The following JPH3 variants were observed in gnomAD, a reference collection of about 807,000 sequenced individuals.
JPH3 encodes junctophilin 3, also known as junctophilin-3.
In JPH3, 11 loss-of-function variants were observed where a neutral mutation model predicts 59.6. The observed-to-expected ratio is 0.18, with a 90% CI of 0.12 to 0.31. The LOEUF is 0.31. JPH3 is among the 10% of genes least tolerant of loss of function. The probability of loss-of-function intolerance (pLI) is 1.00; values close to 1 mark genes in which losing one functional copy is unlikely to be tolerated. For missense variants in JPH3, 1,202 were observed against 1,105.7 expected, an observed-to-expected ratio of 1.09 and a Z score of -1.24; for synonymous variants, 673 against 483.6, an observed-to-expected ratio of 1.39 and a Z score of -5.14.
At chr16:87,637,721 G>C (rs1035409015) in intron 1 of JPH3, among the ~76,000 whole-genome samples, 1 of 152,032 alleles carries the variant, frequency 6.6e-6, no homozygotes, top group Non-Finnish European at 1.5e-5. Flanking sequence ...CCGCCTCGTG[G>C]TGCCCTGGGC....
In JPH3 at chr16:87,694,938, G is replaced by GT. The variant is rs1211112139; in HGVS notation, c.2167-1641dup. The stretch of plus-strand genomic sequence containing the variant: ...TTGCACGGCCCATGTCTTCCCCGCT[G>GT]TGTGTTCATCCTCCACTGGACAGCT... On this transcript the variant is annotated intron_variant, in intron 4 of 4. Coordinates refer to ENST00000284262, the MANE Select transcript of JPH3 (RefSeq NM_020655.4). The GT allele has an allele frequency of 2.0e-5, 5 of 248,214 alleles. No homozygotes were observed. In the East Asian group the frequency reaches 5.4e-4, roughly 27 times the overall value. The allele number at this position is 248,214 out of a possible 1,614,324, so 15.4% of individuals were successfully genotyped here. A position where few individuals can be genotyped will look rare whatever the true frequency, so the allele number is the denominator to read the frequency against.
At chr16:87,604,120 A>C in intron 1 of JPH3, 1 of 1,333,588 alleles carries the variant, frequency 7.5e-7, no homozygotes, top group South Asian at 1.4e-5. Flanking sequence ...CTGTCGAAGC[A>C]GGCTGCTGGA....
chr16:87,626,203 G>A (rs962616495), intron 1 of JPH3, among the ~76,000 whole-genome samples: 2 of 152,122 alleles, frequency 1.3e-5, no homozygotes, highest in African/African-American at 2.4e-5. Context: ...GGGTCTTCAA[G>A]GCAGCCCTGT....
chr16:87,638,763 C>G (rs534699442), intron 1 of JPH3, among the ~76,000 whole-genome samples: 5 of 152,186 alleles, frequency 3.3e-5, no homozygotes, highest in Admixed American at 2.6e-4. Flanking sequence ...ATGGGAACGA[C>G]AACATCCAGC....
intron 1 of JPH3, 59 bp from the exon 2 acceptor site, chr16:87,644,199 C>T: frequency 6.6e-7 from 1 of 1,520,624 alleles, no homozygotes; most frequent in Admixed American, 2.0e-5. Flanking sequence ...CTGTCCGTGG[C>T]CAGGCTGTGC....
chr16:87,636,005 C>T (rs2031731928), intron 1 of JPH3, among the ~76,000 whole-genome samples: 1 of 152,248 alleles, frequency 6.6e-6, no homozygotes, highest in South Asian at 2.1e-4. Flanking sequence ...TTATCTAGCT[C>T]TGGGGGCCGT....
intron 2 of JPH3, among the ~76,000 whole-genome samples, chr16:87,660,718 C>A (rs1396667142): frequency 1.3e-5 from 2 of 152,232 alleles, no homozygotes; most frequent in Non-Finnish European, 2.9e-5. Context: ...CCCCCAATCA[C>A]ACTGTCATAT....
rs759496599 is a variant in JPH3, at chr16:87,644,308, C to A, written c.433C>A (p.Arg145=). The part of the protein sequence containing the change: ...VGGMRQGYGV[R]QSVPYGMAAV... ...TGGCATGCGCCAGGGCTACGGCGTC[C>A]GGCAGAGCGTCCCGTATGGCATGGC... The change falls in exon 2 of 5, where the codon CGG becomes AGG. Residue 145 remains arginine, a synonymous_variant. Coordinates refer to ENST00000284262, the MANE Select transcript of JPH3 (RefSeq NM_020655.4). The A allele has an allele frequency of 1.2e-6, 2 of 1,612,632 alleles. No individual in the cohort carries two copies. The highest frequency in any genetic ancestry group is 1.3e-5 in the African/African-American group (1 of 75,072).
chr16:87,614,240 G>T (rs562930840), intron 1 of JPH3, among the ~76,000 whole-genome samples: 10 of 151,870 alleles, frequency 6.6e-5, no homozygotes, highest in African/African-American at 2.4e-4. Context: ...CTGCACACAG[G>T]AGCTACACGT....
intron 4 of JPH3, 150 bp downstream of exon 4, chr16:87,690,676 C>T: frequency 1.2e-6 from 1 of 842,868 alleles, no homozygotes; most frequent in East Asian, 3.1e-5. Context: ...GGAGTGGTGG[C>T]CCTCAGGTCG....
chr16:87,654,244 G>A (rs1046367126), intron 2 of JPH3: 1 of 152,164 alleles, frequency 6.6e-6, no homozygotes, highest in Admixed American at 6.6e-5. Context: ...GTTCAGATGC[G>A]CCTCTCTGGA....
Position 87,603,994 on chromosome 16 carries a change from C to G in JPH3, c.382+466C>G, listed in dbSNP as rs1462200067. On this transcript the variant is annotated intron_variant, in intron 1 of 4. Coordinates refer to ENST00000284262, the MANE Select transcript of JPH3 (RefSeq NM_020655.4). ...GGCGCCCGAGGGCCTTCCTCAGCCC[C>G]GAATCTGCCCAAGCCGAGAGAAAGG... The G allele has an allele frequency of 6.1e-6, 5 of 820,330 alleles. No individual in the cohort carries two copies. The Admixed American group carries it at 1.9e-4, about 31-fold the overall frequency. The allele number at this position is 820,330 out of a possible 1,614,324, so 50.8% of individuals were successfully genotyped here.
intron 1 of JPH3, among the ~76,000 whole-genome samples, chr16:87,625,966 A>G (rs2031360204): frequency 6.6e-6 from 1 of 152,218 alleles, no homozygotes; most frequent in South Asian, 2.1e-4. Flanking sequence ...GGGACAGGCC[A>G]GGGGCTCAGA....
chr16:87,616,181 A>C (rs1172599632), intron 1 of JPH3, among the ~76,000 whole-genome samples: 1 of 138,384 alleles, frequency 7.2e-6, no homozygotes, highest in Non-Finnish European at 1.5e-5. Context: ...ACAGCAACGC[A>C]ATCTGGTTTT....
At position 87,683,414 on chromosome 16, in the gene JPH3, C is replaced by T. The variant is rs58688126; in HGVS notation, c.1161-728C>T. ...CCGCCTCCCAGGTTCAAGCAATTCTCCTTCCTCAGCCTCCTGAGTAGCTGG... is the reference window on the plus strand; with the variant it reads ...CCGCCTCCCAGGTTCAAGCAATTCTTCTTCCTCAGCCTCCTGAGTAGCTGG... On this transcript the variant is annotated intron_variant, in intron 2 of 4. Transcript: ENST00000284262. Among the ~76,000 whole-genome samples, 216 of 152,128 alleles carry T rather than the reference C, an allele frequency of 1.4e-3. 2 individuals carry two copies. The East Asian group carries it at 0.033, about 23-fold the overall frequency.
At chr16:87,616,280 C>T (rs530733464) in intron 1 of JPH3, among the ~76,000 whole-genome samples, 11 of 143,792 alleles carry the variant, frequency 7.6e-5, no homozygotes, top group African/African-American at 2.4e-4. Context: ...ATTGCCCAGG[C>T]GGGAGAGCAG....
At chr16:87,673,965 A>C (rs997466349) in intron 2 of JPH3, among the ~76,000 whole-genome samples, 4 of 151,288 alleles carry the variant, frequency 2.6e-5, no homozygotes, top group Non-Finnish European at 4.4e-5. Context: ...AAAATTATTT[A>C]ATAAATAAAT....
Position 87,690,503 on chromosome 16 carries a change from G to C in JPH3, c.2143G>C (p.Gly715Arg), listed in dbSNP as rs143235998. 1.3e-5 allele frequency: 19 copies of C among 1,483,446 alleles called. No individual in the cohort carries two copies. In the African/African-American group the frequency reaches 2.4e-4, roughly 19 times the overall value. 91.9% of individuals were successfully genotyped at this position (1,483,446 alleles called of 1,614,324 possible). A position where few individuals can be genotyped will look rare whatever the true frequency, so the allele number is the denominator to read the frequency against. Residue 715 changes from glycine (G) to arginine (R), a missense_variant, in exon 4 of 5, where the codon GGG becomes CGG. Transcript: ENST00000284262. ...CGCTCTAGAGTCCGACGAGGAGAAT[G>C]GGGATGAGCTCAAGTCCAGTACGGT... ...PVALESDEEN[G>R]DELKSSTGSA...
chr16:87,640,593 A>G (rs1016176672), intron 1 of JPH3, among the ~76,000 whole-genome samples: 1 of 151,858 alleles, frequency 6.6e-6, no homozygotes, highest in Non-Finnish European at 1.5e-5. Context: ...GGATTTCACT[A>G]TGTTGGCCAG....
Sources: allele counts gnomAD v4.1 joint callset (sites outside exome capture counted in the v4.1 genomes callset), GRCh38; gene constraint gnomAD v4.1.1; transcripts MANE v1.5; gene names NCBI Gene and HGNC (gene_info 2026-07-23, HGNC 2026-07-21).